COX10: variants seen among roughly 807,000 people sequenced by gnomAD.
The protein encoded by COX10 is protoheme IX farnesyltransferase, mitochondrial.
A neutral mutation model predicts 37.3 loss-of-function variants in COX10; 27 were observed. That is an observed-to-expected ratio of 0.72 (90% CI 0.53 to 1.00). The LOEUF is 1.00. Among genes scored for constraint, COX10 ranks in the 50% least tolerant of loss-of-function variants. The pLI is 0.00. For synonymous variants in COX10, 222 were observed against 229.1 expected (o/e 0.97, Z 0.28); for missense variants, 475 against 563.2 (o/e 0.84, Z 1.59).
intron 4 of COX10, among the ~76,000 whole-genome samples, chr17:14,105,780 G>T (rs35409816): frequency 0.037 from 5,668 of 152,032 alleles, 145 homozygotes; most frequent in South Asian, 0.055. Flanking sequence ...TCTTGCTTTT[G>T]TAGTGCCTAT....
intron 5 of COX10, chr17:14,182,304 A>G (rs1342902211): frequency 1.0e-4 from 83 of 803,568 alleles, no homozygotes; most frequent in Non-Finnish European, 1.2e-4. Context: ...ATAAATAAAT[A>G]AAAAGGTGTC....
At position 14,207,013 on chromosome 17, in the gene COX10, A is replaced by G; in HGVS notation, c.1132A>G (p.Thr378Ala). Reference sequence around the variant, plus strand: ...AGCAGCCCCTGTGCTGGACATCACCACATGGACCTTCCCCATCATGGCCCT... The same window carrying G: ...AGCAGCCCCTGTGCTGGACATCACCGCATGGACCTTCCCCATCATGGCCCT... ...SAAAPVLDIT[T>A]WTFPIMALPI... The change falls in exon 7 of 7, where the codon ACA becomes GCA. Residue 378 changes from threonine to alanine, a missense_variant. Thr to Ala is a moderately conservative substitution (Grantham distance 58). Around this residue, in one of 5 missense-constraint regions of COX10, gnomAD observed 160 missense variants for 180.6 expected, o/e 0.89. Transcript: ENST00000261643. 6.2e-7 allele frequency: 1 copy of G among 1,614,076 alleles called. No individual in the cohort carries two copies. The highest frequency in any genetic ancestry group is 8.5e-7 in the Non-Finnish European group (1 of 1,179,920).
At position 14,196,928 on chromosome 17, in the gene COX10, G is replaced by C. The variant is rs1380399101; in HGVS notation, c.928+4707G>C. On this transcript the variant is annotated intron_variant, in intron 6 of 6. Transcript: ENST00000261643. Reference sequence around the variant, plus strand: ...GCGGGGAAATGGATGAAGGATACATGTTTGAAGGGAGGCAGGTTGCACGGA... The same window carrying C: ...GCGGGGAAATGGATGAAGGATACATCTTTGAAGGGAGGCAGGTTGCACGGA... 3.9e-5 allele frequency among the ~76,000 whole-genome samples: 6 copies of C among 152,182 alleles called. 1 individual carries two copies. Among genetic ancestry groups the C allele is most frequent in the Non-Finnish European group, 8.8e-5 (6 of 68,022 alleles).
At chr17:14,110,237 A>G (rs767743756) in intron 4 of COX10, among the ~76,000 whole-genome samples, 3 of 152,100 alleles carry the variant, frequency 2.0e-5, no homozygotes, top group Non-Finnish European at 4.4e-5. Flanking sequence ...TAATATATGT[A>G]TGTTATGAAT....
intron 5 of COX10, among the ~76,000 whole-genome samples, chr17:14,164,056 T>C (rs1371056544): frequency 6.6e-6 from 1 of 152,232 alleles, no homozygotes; most frequent in Non-Finnish European, 1.5e-5. Context: ...TGTGCGTGTA[T>C]GTAAAAACAC....
At chr17:14,135,594 T>G (rs1419307067) in intron 4 of COX10, among the ~76,000 whole-genome samples, 1 of 151,920 alleles carries the variant, frequency 6.6e-6, no homozygotes, top group Non-Finnish European at 1.5e-5. Flanking sequence ...ACACTTAATA[T>G]TGAGGTTTTT....
chr17:14,156,507 C>G (rs927372907), intron 4 of COX10, among the ~76,000 whole-genome samples: 5 of 152,186 alleles, frequency 3.3e-5, no homozygotes, highest in African/African-American at 1.2e-4. Context: ...GGATTACAGG[C>G]GTGAGCCACC....
At chr17:14,118,074 G>T (rs911558295) in intron 4 of COX10, among the ~76,000 whole-genome samples, 5 of 152,086 alleles carry the variant, frequency 3.3e-5, no homozygotes, top group Admixed American at 6.5e-5. Flanking sequence ...AGTGTCTGCT[G>T]GTGTCTGTCG....
intron 4 of COX10, among the ~76,000 whole-genome samples, chr17:14,154,790 C>T (rs1904996732): frequency 6.6e-6 from 1 of 152,198 alleles, no homozygotes; most frequent in African/African-American, 2.4e-5. Context: ...GCTGAGGAAA[C>T]TAAGGCTTCC....
At chr17:14,151,526 A>AACACACAC (rs58412592) in intron 4 of COX10, among the ~76,000 whole-genome samples, 2 of 144,646 alleles carry the variant, frequency 1.4e-5, no homozygotes, top group African/African-American at 5.2e-5. Flanking sequence ...TTCCTGAACT[A>AACACACAC]ACACACACAC....
intron 4 of COX10, among the ~76,000 whole-genome samples, chr17:14,118,133 G>A (rs540153261): frequency 2.6e-4 from 40 of 152,120 alleles, no homozygotes; most frequent in Middle Eastern, 3.4e-3. Context: ...GTCTGTGCCC[G>A]CTAGGATCTT....
chr17:14,189,823 A>G (rs764988480), intron 5 of COX10, among the ~76,000 whole-genome samples: 1 of 152,204 alleles, frequency 6.6e-6, no homozygotes, highest in Non-Finnish European at 1.5e-5. Context: ...GAAGAGATAA[A>G]GGCAAGGAAT....
In COX10 at chr17:14,128,147, A is replaced by G. The variant is rs535289083; in HGVS notation, c.624+25905A>G. On this transcript the variant is annotated intron_variant, in intron 4 of 6. Coordinates refer to ENST00000261643, the MANE Select transcript of COX10 (RefSeq NM_001303.4). Reference sequence around the variant, plus strand: ...AATTTCACTGAACTGAATTCTTAGTAAAAGAAAAAGATGTGAAAAATGAAC... The same window carrying G: ...AATTTCACTGAACTGAATTCTTAGTGAAAGAAAAAGATGTGAAAAATGAAC... Among the ~76,000 whole-genome samples the G allele has an allele frequency of 4.6e-5, 7 of 152,224 alleles. 1 individual carries two copies. In the East Asian group the frequency reaches 1.3e-3, roughly 29 times the overall value.
chr17:14,072,440 C>G (rs1310007225), intron 1 of COX10, among the ~76,000 whole-genome samples: 1 of 152,056 alleles, frequency 6.6e-6, no homozygotes. Context: ...AGGATGGTCT[C>G]GAACTCCTGA....
At chr17:14,119,177 C>G (rs1194658981) in intron 4 of COX10, among the ~76,000 whole-genome samples, 2 of 152,112 alleles carry the variant, frequency 1.3e-5, no homozygotes, top group Non-Finnish European at 2.9e-5. Flanking sequence ...TCTGTAGTAT[C>G]TACAGACTTG....
intron 3 of COX10, 31 bp downstream of exon 3, chr17:14,077,087 T>C: frequency 6.2e-7 from 1 of 1,603,356 alleles, no homozygotes; most frequent in South Asian, 1.1e-5. Flanking sequence ...ACTTACTTAT[T>C]TGAAACTCTA....
chr17:14,079,745 G>A (rs974780413), intron 3 of COX10, among the ~76,000 whole-genome samples: 5 of 151,744 alleles, frequency 3.3e-5, no homozygotes, highest in African/African-American at 1.2e-4. Flanking sequence ...CACCATTCTA[G>A]ATAAAAACCC....
chr17:14,074,491 T>G, intron 2 of COX10, 35 bp downstream of exon 2: 1 of 1,234,214 alleles, frequency 8.1e-7, no homozygotes. Context: ...TCTGTTACTT[T>G]CTGCCTTTTT....
chr17:14,140,659 T>G (rs1331259909), intron 4 of COX10, among the ~76,000 whole-genome samples: 1 of 152,184 alleles, frequency 6.6e-6, no homozygotes. Context: ...CTGTTTATAT[T>G]TTTGTTTTTC....
Sources: gnomAD v4.1 joint callset for allele counts (sites outside exome capture counted in the v4.1 genomes callset) on GRCh38, gnomAD v4.1.1 for gene constraint, gnomAD v4.1.1 regional missense constraint, MANE v1.5 for transcripts, NCBI Gene and HGNC (gene_info 2026-07-23, HGNC 2026-07-21) for gene names.